The following TTN variants were observed in gnomAD, a reference collection of about 807,000 sequenced individuals.
The protein encoded by TTN is titin.
TTN carries 1,525 observed loss-of-function variants against 3,223.0 expected under a neutral mutation model. The ratio of observed to expected loss-of-function variants is 0.47; its 90% CI spans 0.45 to 0.49. The LOEUF (loss-of-function observed/expected upper bound fraction) is 0.49, where lower values mean the gene tolerates loss of function less well. Among genes scored for constraint, TTN ranks in the 20% least tolerant of loss-of-function variants. TTN has a pLI of 0.00. For missense variants in TTN, 40,786 were observed against 43,424.0 expected, an observed-to-expected ratio of 0.94 and a Z score of 5.40; for synonymous variants, 14,094 against 15,161.0, an observed-to-expected ratio of 0.93 and a Z score of 5.17.
chr2:178,693,734 G>T (rs759897567), intron 118 of TTN, 45 bp from the exon 119 acceptor site: 1 of 1,422,294 alleles, frequency 7.0e-7, no homozygotes, highest in Admixed American at 2.1e-5. Context: ...CATGTTGTGG[G>T]TGGTAATTGT....
At position 178,786,181 on chromosome 2, in the gene TTN, G is replaced by A. The variant is rs759467331; in HGVS notation, c.2077-40C>T. ...TCCAGAATTAATACATAGGAATATC[G>A]AGATCAGGCTGGAATATCTCCTGGG... On this transcript the variant is annotated intron_variant, in intron 13 of 362. Transcript: ENST00000589042. The A allele has an allele frequency of 7.5e-6, 12 of 1,605,378 alleles. No homozygotes were observed. The South Asian group carries it at 7.8e-5, about 10-fold the overall frequency.
chr2:178,558,655 C>G lies in TTN; in HGVS notation c.86822-18G>C. ...TGGTTTTTCTAAGAAAACAAAGCAT[C>G]AAAAGAAAGTGAATAATTATTACAG... On this transcript the variant is annotated intron_variant, in intron 326 of 362. Coordinates refer to ENST00000589042, the MANE Select transcript of TTN (RefSeq NM_001267550.2). The G allele has an allele frequency of 6.2e-7, 1 of 1,603,770 alleles. No individual in the cohort carries two copies. Among genetic ancestry groups the G allele is most frequent in the Non-Finnish European group, 8.5e-7 (1 of 1,177,770 alleles).
In TTN at chr2:178,729,480, G is replaced by T. The variant is rs1466849790; in HGVS notation, c.18676C>A (p.Pro6226Thr). ...VELECEVTGT[P>T]PFEVTWLKNN... ...TTCAGCCAAGTGACTTCAAACGGAG[G>T]TGTTCCCGTAACTTCACACTCCAGC... Residue 6226 changes from proline (P) to threonine (T), a missense_variant, in exon 64 of 363, where the codon CCT (proline) becomes ACT (threonine). Physicochemically the swap from Pro to Thr is conservative, Grantham distance 38. Coordinates refer to ENST00000589042, the MANE Select transcript of TTN (RefSeq NM_001267550.2). The T allele has an allele frequency of 6.2e-7, 1 of 1,613,586 alleles. No individual in the cohort carries two copies. Among genetic ancestry groups the T allele is most frequent in the Non-Finnish European group, 8.5e-7 (1 of 1,179,638 alleles).
At chr2:178,702,756 T>C in intron 106 of TTN, 93 bp from the exon 107 acceptor site, 1 of 1,284,726 alleles carries the variant, frequency 7.8e-7, no homozygotes, top group Non-Finnish European at 1.0e-6. Flanking sequence ...TCTCCATCTT[T>C]GTACCCAGTT....
Position 178,625,264 on chromosome 2 carries a change from T to C in TTN, c.44548+9A>G, listed in dbSNP as rs372725070. 144 of 1,604,378 alleles carry C rather than the reference T, an allele frequency of 9.0e-5. No individual in the cohort carries two copies. In the African/African-American group the frequency reaches 1.4e-3, roughly 16 times the overall value. ...TTATACATGTTTTTAAAATAAGCCT[T>C]GTAATTACCTTTCACAAAGAGGTTG... On this transcript the variant is annotated intron_variant, in intron 241 of 362. Coordinates refer to ENST00000589042, the MANE Select transcript of TTN (RefSeq NM_001267550.2).
In TTN at chr2:178,599,218, T is replaced by C; in HGVS notation, c.56575A>G (p.Ile18859Val). ...LLEGHEYVFRIMAQNKYGIGE... is the reference protein window; with the variant it reads ...LLEGHEYVFRVMAQNKYGIGE... ...ATGCCATATTTATTCTGGGCCATGA[T>C]TCGGAATACATATTCATGGCCTTCT... Residue 18859 changes from isoleucine to valine, a missense_variant, in exon 290 of 363, where the codon ATC (isoleucine) becomes GTC (valine). Transcript: ENST00000589042. 6.5e-7 allele frequency: 1 copy of C among 1,529,770 alleles called. No homozygotes were observed. Among genetic ancestry groups the C allele is most frequent in the South Asian group, 1.4e-5 (1 of 73,242 alleles). 94.8% of individuals were successfully genotyped at this position (1,529,770 alleles called of 1,614,324 possible).
rs1323001046 is a variant in TTN, at chr2:178,725,916, TCTGA to T, written c.20402_20405del (p.Leu6801GlnfsTer47). ...ATGCAATCTTGTATTTCTTGCTGCT[TCTGA>T]GTTGCCGCTTGTCTTTGTACCATAC... On this transcript the variant is annotated frameshift_variant, in exon 70 of 363. Transcript: ENST00000589042. LOFTEE classifies it high-confidence loss of function. The T allele has an allele frequency of 3.1e-6, 5 of 1,613,016 alleles. No individual in the cohort carries two copies. Among genetic ancestry groups the T allele is most frequent in the Non-Finnish European group, 4.2e-6 (5 of 1,179,448 alleles).
At chr2:178,735,374 CT>C in intron 50 of TTN, 136 bp downstream of exon 50, 1 of 910,456 alleles carries the variant, frequency 1.1e-6, no homozygotes, top group Non-Finnish European at 1.5e-6. Context: ...AATGCCAGGA[CT>C]TTCCCAAACC....
Position 178,538,556 on chromosome 2 carries a change from T to G in TTN, c.99273A>C (p.Ile33091=). 6.2e-7 allele frequency: 1 copy of G among 1,612,196 alleles called. No homozygotes were observed. The change falls in exon 354 of 363, where the codon ATA becomes ATC. Residue 33091 remains isoleucine (I), a synonymous_variant. Transcript: ENST00000589042. ...LSRPRRTAMS[I]KTKLTSGEAP... The stretch of plus-strand genomic sequence containing the variant: ...GCTACTTACATGTGAGTTTAGTCTT[T>G]ATAGACATAGCAGTTCTGCGAGGTC...
chr2:178,565,763 G>A lies in TTN; in HGVS notation c.80369C>T (p.Thr26790Ile), dbSNP rs1023059265. 6.2e-7 allele frequency: 1 copy of A among 1,613,604 alleles called. No homozygotes were observed. The highest frequency in any genetic ancestry group is 8.5e-7 in the Non-Finnish European group (1 of 1,179,626). Residue 26790 changes from threonine (T) to isoleucine (I), a missense_variant, in exon 326 of 363, where the codon ACT becomes ATT. Thr to Ile is a moderately conservative substitution (Grantham distance 89, BLOSUM62 -1). Transcript: ENST00000589042. ...TGATGCACTGGTCTGGGACACATCA[G>A]TGAGTGTAACCTTTCCTGGTGGGGA... The part of the protein sequence containing the change: ...PPSPPGKVTL[T>I]DVSQTSASLM...
rs1184831372 is a variant in TTN at position 178,562,460 on chromosome 2, C to T, written c.83672G>A (p.Gly27891Asp). Residue 27891 changes from glycine (G) to aspartate (D), a missense_variant, in exon 326 of 363, where the codon GGT (glycine) becomes GAT (aspartate). By Grantham distance (94) the Gly-to-Asp change is moderately conservative. Coordinates refer to ENST00000589042, the MANE Select transcript of TTN (RefSeq NM_001267550.2). ...CACATAACCAGTAATTTTGCTGCCA[C>T]CATCACTTTCTGGTTTCTCCCACTT... is the stretch of plus-strand genomic sequence containing the variant. ...TIKWEKPESD[G>D]GSKITGYVVE... The T allele has an allele frequency of 6.2e-7, 1 of 1,613,282 alleles. No individual in the cohort carries two copies.
chr2:178,697,501 A>G (rs1212907238), intron 112 of TTN, among the ~76,000 whole-genome samples: 1 of 152,164 alleles, frequency 6.6e-6, no homozygotes, highest in East Asian at 1.9e-4. Flanking sequence ...AATATGTCCA[A>G]TGCTAAAAAT....
At chr2:178,757,227 A>ATACTGTACTTGCTTTAAGTACAGACAG (rs1553968975) in intron 45 of TTN, among the ~76,000 whole-genome samples, 1 of 150,194 alleles carries the variant, frequency 6.7e-6, no homozygotes, top group African/African-American at 2.4e-5. Context: ...ACAGTAAGTA[A>ATACTGTACTTGCTTTAAGTACAGACAG]TAATCAGCAA....
At chr2:178,690,848 G>T (rs551236614) in intron 121 of TTN, among the ~76,000 whole-genome samples, 3 of 152,194 alleles carry the variant, frequency 2.0e-5, no homozygotes, top group Admixed American at 1.3e-4. Flanking sequence ...GTAAATGAGA[G>T]ATGCCTCTGT....
In TTN at chr2:178,548,479, A is replaced by T; in HGVS notation, c.93147T>A (p.His31049Gln). Residue 31049 changes from histidine (H) to glutamine (Q), a missense_variant, in exon 339 of 363, where the codon CAT becomes CAA. His to Gln is a conservative substitution (Grantham distance 24). Transcript: ENST00000589042. The surrounding 1 kb of genome is among the most constrained non-coding windows in gnomAD (Gnocchi z 4.3). Reference protein sequence around the residue: ...APLLDGGARIHHYVVEKREAS... With the variant: ...APLLDGGARIQHYVVEKREAS... Reference sequence around the variant, plus strand: ...CCTCTCGTTTCTCTACCACATAATGATGGATTCGGGCACCACCGTCAAGAA... The same window carrying T: ...CCTCTCGTTTCTCTACCACATAATGTTGGATTCGGGCACCACCGTCAAGAA... 1 of 1,613,816 alleles carries T rather than the reference A, an allele frequency of 6.2e-7. No homozygotes were observed. Among genetic ancestry groups the T allele is most frequent in the Non-Finnish European group, 8.5e-7 (1 of 1,179,792 alleles).
Position 178,540,072 on chromosome 2 carries a change from C to T in TTN, c.98094G>A (p.Met32698Ile). The change falls in exon 351 of 363, where the codon ATG (methionine) becomes ATA (isoleucine). Residue 32698 changes from methionine to isoleucine, a missense_variant. Transcript: ENST00000589042. Reference protein sequence around the residue: ...EVPGTVKVTEMLEYPDYELDE... With the variant: ...EVPGTVKVTEILEYPDYELDE... ...GCAAATGATCATATGTCTCACCAAG[C>T]ATTTCAGTGACTTTGACTGTTCCTG... 1 of 1,598,506 alleles carries T rather than the reference C, an allele frequency of 6.3e-7. No homozygotes were observed.
intron 71 of TTN, 103 bp from the exon 72 acceptor site, chr2:178,724,641 A>G (rs1243213479): frequency 4.0e-6 from 5 of 1,253,586 alleles, no homozygotes; most frequent in African/African-American, 1.5e-5. Flanking sequence ...TGGTTATGTT[A>G]GGGTGCTCTC....
chr2:178,739,790 T>C lies in TTN; in HGVS notation c.13443A>G (p.Ile4481Met). The C allele has an allele frequency of 5.0e-6, 8 of 1,613,856 alleles. No individual in the cohort carries two copies. Among genetic ancestry groups the C allele is most frequent in the African/African-American group, 1.3e-5 (1 of 75,040 alleles). Residue 4481 changes from isoleucine to methionine, a missense_variant, in exon 48 of 363, where the codon ATA becomes ATG. Physicochemically the swap from Ile to Met is conservative, Grantham distance 10. Transcript: ENST00000589042. ...CTGTTAGGATGTCTATTTCCTCATA[T>C]ATAATAGCACACAAAGCATCCCTAA... ...MELRDALCAIIYEEIDILTAE... is the reference protein window; with the variant it reads ...MELRDALCAIMYEEIDILTAE...
In TTN at chr2:178,562,336, A is replaced by G. The variant is rs2154160668; in HGVS notation, c.83796T>C (p.Tyr27932=). Residue 27932 remains tyrosine, a synonymous_variant, in exon 326 of 363, where the codon TAT becomes TAC. Transcript: ENST00000589042. ...TISGLTAGEE[Y]VFRVAAVNEK... ...CGTTAACTGCAGCTACCCTGAAGAC[A>G]TACTCTTCTCCTGCAGTTAAGCCAG... 2.5e-6 allele frequency: 4 copies of G among 1,612,018 alleles called. No homozygotes were observed. Among genetic ancestry groups the G allele is most frequent in the Non-Finnish European group, 2.5e-6 (3 of 1,179,150 alleles).
Sources: gnomAD v4.1 joint callset for allele counts (sites outside exome capture counted in the v4.1 genomes callset) on GRCh38, gnomAD v4.1.1 for gene constraint, Gnocchi (gnomAD v3.1) non-coding constraint, MANE v1.5 for transcripts, NCBI Gene and HGNC (gene_info 2026-07-23, HGNC 2026-07-21) for gene names.